GSK3B: variants seen among roughly 807,000 people sequenced by gnomAD.
GSK3B encodes glycogen synthase kinase 3 beta.
A neutral mutation model predicts 56.4 loss-of-function variants in GSK3B; 15 were observed. The observed-to-expected ratio is 0.27, with a 90% CI of 0.18 to 0.41. GSK3B has a LOEUF of 0.41. GSK3B is among the 10% of genes least tolerant of loss of function. GSK3B has a pLI of 1.00. For missense variants in GSK3B, 300 were observed against 513.4 expected (o/e 0.58, Z 4.02); for synonymous variants, 181 against 188.9 (o/e 0.96, Z 0.34).
At chr3:119,875,537 AC>A (rs2056301730) in intron 8 of GSK3B, among the ~76,000 whole-genome samples, 1 of 147,872 alleles carries the variant, frequency 6.8e-6, no homozygotes, top group Non-Finnish European at 1.5e-5. Context: ...ACACACACAC[AC>A]ACACACACAG....
chr3:119,829,709 A>G (rs1450954172), intron 10 of GSK3B, among the ~76,000 whole-genome samples: 1 of 152,234 alleles, frequency 6.6e-6, no homozygotes, highest in Non-Finnish European at 1.5e-5. Flanking sequence ...GGATAAATTC[A>G]ACGACTGCTT....
intron 7 of GSK3B, among the ~76,000 whole-genome samples, chr3:119,887,037 A>G (rs574276679): frequency 1.3e-5 from 2 of 152,286 alleles, no homozygotes; most frequent in African/African-American, 2.4e-5. Context: ...TAAACTGTTA[A>G]TAACAGAGGT....
At chr3:120,093,246 C>G in intron 1 of GSK3B, 101 bp downstream of exon 1, 1 of 792,774 alleles carries the variant, frequency 1.3e-6, no homozygotes, top group Non-Finnish European at 2.2e-6. Flanking sequence ...TTTCCATTGC[C>G]TGTTTATCAG....
chr3:119,968,669 G>C (rs2057340301), intron 2 of GSK3B, among the ~76,000 whole-genome samples: 1 of 152,054 alleles, frequency 6.6e-6, no homozygotes, highest in Non-Finnish European at 1.5e-5. Flanking sequence ...TGAGAAAATA[G>C]ATGCTACAAA....
At chr3:119,894,136 T>C (rs1008145376) in intron 7 of GSK3B, among the ~76,000 whole-genome samples, 3 of 152,194 alleles carry the variant, frequency 2.0e-5, no homozygotes, top group Admixed American at 2.0e-4. Flanking sequence ...TTATATAATA[T>C]GTGGCCTTTC....
chr3:120,028,769 T>C (rs146684969), intron 1 of GSK3B: 464 of 470,758 alleles, frequency 9.9e-4, no homozygotes, highest in Middle Eastern at 3.7e-3. Context: ...CAGAGAGAGG[T>C]TGGGGCAGCG....
At chr3:120,037,819 T>C (rs966510243) in intron 1 of GSK3B, among the ~76,000 whole-genome samples, 1 of 152,170 alleles carries the variant, frequency 6.6e-6, no homozygotes, top group Non-Finnish European at 1.5e-5. Flanking sequence ...AACTCCCTTA[T>C]GTAAATCTGC....
chr3:119,919,429 T>G (rs2056814046), intron 4 of GSK3B, among the ~76,000 whole-genome samples: 1 of 151,988 alleles, frequency 6.6e-6, no homozygotes, highest in African/African-American at 2.4e-5. Context: ...GACACTGTTT[T>G]TATCTTTTCA....
At chr3:119,912,619 AT>A (rs1224616203) in intron 6 of GSK3B, 84 bp downstream of exon 6, 1 of 569,084 alleles carries the variant, frequency 1.8e-6, no homozygotes, top group East Asian at 2.7e-5. Flanking sequence ...TTCCATGGAA[AT>A]AAAAGTACAG....
At chr3:120,032,856 C>G (rs1298929491) in intron 1 of GSK3B, among the ~76,000 whole-genome samples, 1 of 152,090 alleles carries the variant, frequency 6.6e-6, no homozygotes, top group Non-Finnish European at 1.5e-5. Flanking sequence ...CTTTTTAAAC[C>G]AGCTTCATTA....
chr3:119,978,723 T>G (rs2057432383), intron 2 of GSK3B, among the ~76,000 whole-genome samples: 1 of 152,128 alleles, frequency 6.6e-6, no homozygotes, highest in Non-Finnish European at 1.5e-5. Flanking sequence ...CAGGAGGCCC[T>G]TTGCCAAATC....
chr3:119,943,889 G>A (rs2057073857), intron 3 of GSK3B, among the ~76,000 whole-genome samples: 1 of 151,054 alleles, frequency 6.6e-6, no homozygotes, highest in African/African-American at 2.4e-5. Flanking sequence ...AAGAGAGGGG[G>A]GACAAAAGCC....
At chr3:119,928,208 T>G (rs2056906700) in intron 3 of GSK3B, among the ~76,000 whole-genome samples, 1 of 152,160 alleles carries the variant, frequency 6.6e-6, no homozygotes, top group Non-Finnish European at 1.5e-5. Context: ...GGAGCAAAAG[T>G]CAAAGAAACA....
intron 1 of GSK3B, among the ~76,000 whole-genome samples, chr3:120,039,065 G>A (rs531694851): frequency 1.3e-5 from 2 of 152,266 alleles, no homozygotes; most frequent in East Asian, 3.9e-4. Context: ...AAGATATACA[G>A]GTAGCAAATA....
intron 2 of GSK3B, among the ~76,000 whole-genome samples, chr3:119,978,929 T>C (rs2057435184): frequency 6.6e-6 from 1 of 152,198 alleles, no homozygotes; most frequent in African/African-American, 2.4e-5. Flanking sequence ...AGAAAGACGA[T>C]TCCGGACTTC....
chr3:119,863,370 G>A, intron 9 of GSK3B, 49 bp downstream of exon 9: 1 of 1,405,368 alleles, frequency 7.1e-7, no homozygotes, highest in East Asian at 2.3e-5. Flanking sequence ...TTCACACCCA[G>A]GGTGTAGCTT....
chr3:119,946,121 T>C (rs2057097465), intron 3 of GSK3B, among the ~76,000 whole-genome samples: 1 of 149,272 alleles, frequency 6.7e-6, no homozygotes, highest in African/African-American at 2.5e-5. Flanking sequence ...CAAGTGTCAA[T>C]AAAGGGCCAA....
intron 1 of GSK3B, among the ~76,000 whole-genome samples, chr3:120,089,140 GAGA>G (rs1000072807): frequency 5.9e-5 from 9 of 152,320 alleles, no homozygotes; most frequent in Non-Finnish European, 1.0e-4. Flanking sequence ...CCAGTGAAAT[GAGA>G]AGATGTCACC....
Position 119,822,200 on chromosome 3 carries a change from T to G in GSK3B, c.*4588A>C. ...GCTTTTCCTTTATATCAAGACAGAT[T>G]TGCACAAGTGTTTGCAATAGTTTGT... On this transcript the variant is annotated 3_prime_UTR_variant, in exon 11 of 11. Transcript: ENST00000264235. The G allele has an allele frequency of 5.4e-6, 1 of 185,226 alleles. No individual in the cohort carries two copies. Among genetic ancestry groups the G allele is most frequent in the East Asian group, 8.7e-5 (1 of 11,458 alleles). The allele number at this position is 185,226 out of a possible 1,614,324, so 11.5% of individuals were successfully genotyped here.
Sources: allele counts gnomAD v4.1 joint callset (sites outside exome capture counted in the v4.1 genomes callset), GRCh38; gene constraint gnomAD v4.1.1; transcripts MANE v1.5; gene names NCBI Gene and HGNC (gene_info 2026-07-23, HGNC 2026-07-21).